The following RELN variants were observed in gnomAD, a reference collection of about 807,000 sequenced individuals.
The protein encoded by RELN is reelin.
RELN carries 108 observed loss-of-function variants against 427.6 expected under a neutral mutation model. The observed-to-expected ratio is 0.25, with a 90% CI of 0.22 to 0.30. RELN has a LOEUF of 0.30. RELN is among the 10% of genes least tolerant of loss of function. The pLI is 1.00. For missense variants in RELN, 3,715 were observed against 4,302.8 expected, an observed-to-expected ratio of 0.86 and a Z score of 3.82; for synonymous variants, 1,524 against 1,513.4, an observed-to-expected ratio of 1.01 and a Z score of -0.16.
rs1227007493 is a variant in RELN at position 103,519,482 on chromosome 7, T to G, written c.7703A>C (p.Asn2568Thr). Reference protein sequence around the residue: ...CSRLLVTVDLNLTNAEFIQFY... With the variant: ...CSRLLVTVDLTLTNAEFIQFY... Reference sequence around the variant, plus strand: ...TTGGATGAACTCAGCATTAGTGAGGTTTAGATCCACAGTGACTAATAATCG... The same window carrying G: ...TTGGATGAACTCAGCATTAGTGAGGGTTAGATCCACAGTGACTAATAATCG... Residue 2568 changes from asparagine (N) to threonine (T), a missense_variant, in exon 49 of 65, where the codon AAC becomes ACC. Asn to Thr is a moderately conservative substitution (Grantham distance 65). Transcript: ENST00000428762. 3 of 1,613,210 alleles carry G rather than the reference T, an allele frequency of 1.9e-6. No individual in the cohort carries two copies. In the African/African-American group the frequency reaches 4.0e-5, roughly 22 times the overall value.
chr7:103,649,474 T>C (rs1832867359), intron 16 of RELN, among the ~76,000 whole-genome samples: 1 of 151,970 alleles, frequency 6.6e-6, no homozygotes, highest in African/African-American at 2.4e-5. Flanking sequence ...AATTACGTTG[T>C]ACTCTATTTG....
In RELN at chr7:103,701,065, C is replaced by T. The variant is rs1483795292; in HGVS notation, c.806-59G>A. On this transcript the variant is annotated intron_variant, in intron 8 of 64. Transcript: ENST00000428762. ...AAAAAATGGTGCAAATACATATTAT[C>T]TTTTCTGATAAATATTTTAGATAAT... The T allele has an allele frequency of 8.5e-6, 8 of 945,818 alleles. 1 individual carries two copies. The South Asian group carries it at 9.2e-5, about 11-fold the overall frequency. The allele number at this position is 945,818 out of a possible 1,614,324, so 58.6% of individuals were successfully genotyped here.
rs2117362643 is a variant in RELN at position 103,640,782 on chromosome 7, A to C, written c.2003-173T>G. Among the ~76,000 whole-genome samples the C allele has an allele frequency of 6.6e-6, 1 of 152,338 alleles. No individual in the cohort carries two copies. The highest frequency in any genetic ancestry group is 2.1e-4 in the South Asian group (1 of 4,828). ...TAAGTGCTTAGTTACAAAGCTGCTG[A>C]AACAGTCACAAGTTATACAGATAAT... On this transcript the variant is annotated intron_variant, in intron 16 of 64. Transcript: ENST00000428762. The surrounding 1 kb of genome is among the most constrained non-coding windows in gnomAD (Gnocchi z 4.1).
In RELN at chr7:103,772,339, TGAATGAATGC is replaced by T. The variant is rs1304884080; in HGVS notation, c.544+4208_544+4217del. On this transcript the variant is annotated intron_variant, in intron 4 of 64. Coordinates refer to ENST00000428762, the MANE Select transcript of RELN (RefSeq NM_005045.4). ...ATGAATGAATGAATGAATGAATGAATGAATGAATGCACAAGTAAGTTGCTCTCCCTGTGCC... is the reference window on the plus strand; with the variant it reads ...ATGAATGAATGAATGAATGAATGAATACAAGTAAGTTGCTCTCCCTGTGCC... Among the ~76,000 whole-genome samples, 1,147 of 152,254 alleles carry T rather than the reference TGAATGAATGC, an allele frequency of 7.5e-3. 11 individuals carry two copies. The highest frequency in any genetic ancestry group is 0.026 in the African/African-American group (1,061 of 41,554).
intron 3 of RELN, among the ~76,000 whole-genome samples, chr7:103,800,317 A>G (rs1792429875): frequency 6.6e-6 from 1 of 152,220 alleles, no homozygotes; most frequent in Admixed American, 6.5e-5. Flanking sequence ...ATGTGCAAAA[A>G]TCAAAGCATT....
At chr7:103,487,695 A>T (rs759420701) in intron 60 of RELN, among the ~76,000 whole-genome samples, 8 of 152,104 alleles carry the variant, frequency 5.3e-5, no homozygotes, top group Non-Finnish European at 7.4e-5. Context: ...GTGAACTCTC[A>T]CCCTGGTATG....
intron 4 of RELN, among the ~76,000 whole-genome samples, chr7:103,775,861 C>T (rs536549964): frequency 2.1e-4 from 32 of 152,290 alleles, no homozygotes; most frequent in African/African-American, 7.2e-4. Flanking sequence ...TTGAGAAGCT[C>T]AGTCTCTCTA....
At chr7:103,794,102 A>T (rs1563017316) in intron 3 of RELN, among the ~76,000 whole-genome samples, 1 of 151,916 alleles carries the variant, frequency 6.6e-6, no homozygotes, top group African/African-American at 2.4e-5. Context: ...TTTGTAGGTA[A>T]TTTTTTTTAA....
At chr7:103,842,119 T>C (rs554345976) in intron 2 of RELN, among the ~76,000 whole-genome samples, 1 of 152,296 alleles carries the variant, frequency 6.6e-6, no homozygotes, top group African/African-American at 2.4e-5. Flanking sequence ...TTCAGGAAGT[T>C]TAGCAAAGTT....
intron 6 of RELN, among the ~76,000 whole-genome samples, chr7:103,739,780 G>C (rs939739642): frequency 1.3e-5 from 2 of 152,202 alleles, no homozygotes; most frequent in South Asian, 2.1e-4. Context: ...GAGAGATCTA[G>C]GAGGCAAAGA....
In RELN at chr7:103,472,575, A is replaced by G. The variant is rs1827891202; in HGVS notation, c.*237T>C. 1 of 509,192 alleles carries G rather than the reference A, an allele frequency of 2.0e-6. No homozygotes were observed. The highest frequency in any genetic ancestry group is 3.6e-6 in the Non-Finnish European group (1 of 279,854). 31.5% of individuals were successfully genotyped at this position (509,192 alleles called of 1,614,324 possible). On this transcript the variant is annotated 3_prime_UTR_variant, in exon 65 of 65. Transcript: ENST00000428762. ...TACTGCCACTGTAACTGATATTACA[A>G]CAGATCACAACTTTCACGGACACAT...
intron 1 of RELN, among the ~76,000 whole-genome samples, chr7:103,973,733 T>A (rs972878359): frequency 7.2e-5 from 11 of 152,146 alleles, no homozygotes; most frequent in Admixed American, 4.6e-4. Context: ...AATGTTGATA[T>A]CAAGAGCACA....
At chr7:103,560,266 TAA>T in intron 36 of RELN, among the ~76,000 whole-genome samples, 1 of 152,174 alleles carries the variant, frequency 6.6e-6, no homozygotes. Context: ...CTATAAACAT[TAA>T]AAAGAGACTA....
At chr7:103,590,019 G>T (rs1457175402) in intron 27 of RELN, among the ~76,000 whole-genome samples, 191 bp from the exon 28 acceptor site, 2 of 151,978 alleles carry the variant, frequency 1.3e-5, no homozygotes, top group African/African-American at 2.4e-5. Context: ...CAAACAATAG[G>T]TACTTTTTAC....
At chr7:103,773,252 C>CT (rs1427358294) in intron 4 of RELN, among the ~76,000 whole-genome samples, 1 of 43,600 alleles carries the variant, frequency 2.3e-5, no homozygotes, top group Non-Finnish European at 4.1e-5. Context: ...TCTCTCTCTC[C>CT]CTCCCTCCCT....
chr7:103,665,914 G>T (rs1833255320), intron 11 of RELN, among the ~76,000 whole-genome samples: 1 of 150,924 alleles, frequency 6.6e-6, no homozygotes, highest in Admixed American at 6.6e-5. Flanking sequence ...TTTTTATATT[G>T]CATTATGTGT....
intron 6 of RELN, among the ~76,000 whole-genome samples, chr7:103,745,687 T>C (rs1290495852): frequency 6.7e-6 from 1 of 149,450 alleles, no homozygotes; most frequent in Non-Finnish European, 1.5e-5. Flanking sequence ...GAGAATAAAA[T>C]ACCTAGGAAT....
Position 103,472,643 on chromosome 7 carries a change from A to C in RELN, c.*169T>G. On this transcript the variant is annotated 3_prime_UTR_variant, in exon 65 of 65. Transcript: ENST00000428762. ...CTTATGAGCAAATAAGTCACTTGTCATTAGTTCACAGTGTGGGAAAGTGGT... is the reference window on the plus strand; with the variant it reads ...CTTATGAGCAAATAAGTCACTTGTCCTTAGTTCACAGTGTGGGAAAGTGGT... 1.6e-6 allele frequency: 1 copy of C among 622,732 alleles called. No homozygotes were observed. Among genetic ancestry groups the C allele is most frequent in the East Asian group, 2.8e-5 (1 of 35,604 alleles). 38.6% of individuals were successfully genotyped at this position (622,732 alleles called of 1,614,324 possible).
chr7:103,781,479 T>G (rs1791888766), intron 3 of RELN, among the ~76,000 whole-genome samples: 1 of 152,196 alleles, frequency 6.6e-6, no homozygotes, highest in Non-Finnish European at 1.5e-5. Flanking sequence ...GTGTATTAAA[T>G]CTAGCTAATT....
Sources: allele counts gnomAD v4.1 joint callset (sites outside exome capture counted in the v4.1 genomes callset), GRCh38; gene constraint gnomAD v4.1.1; non-coding constraint Gnocchi (gnomAD v3.1); transcripts MANE v1.5; gene names NCBI Gene and HGNC (gene_info 2026-07-23, HGNC 2026-07-21).